GALNTL6: variants seen among roughly 807,000 people sequenced by gnomAD.
The protein encoded by GALNTL6 is polypeptide N-acetylgalactosaminyltransferase-like 6.
GALNTL6 carries 46 observed loss-of-function variants against 73.7 expected under a neutral mutation model. That is an observed-to-expected ratio of 0.62 (90% CI 0.49 to 0.80). The LOEUF is 0.80. Among genes scored for constraint, GALNTL6 ranks in the 30% least tolerant of loss-of-function variants. The probability of loss-of-function intolerance (pLI) is 0.00; values close to 1 mark genes in which losing one functional copy is unlikely to be tolerated. For missense variants in GALNTL6, 604 were observed against 755.0 expected, an observed-to-expected ratio of 0.80 and a Z score of 2.34; for synonymous variants, 259 against 263.7, an observed-to-expected ratio of 0.98 and a Z score of 0.17.
chr4:172,513,782 G>GT (rs1734508312), intron 5 of GALNTL6, among the ~76,000 whole-genome samples: 1 of 152,224 alleles, frequency 6.6e-6, no homozygotes, highest in South Asian at 2.1e-4. Flanking sequence ...TCTCTCAGCT[G>GT]TGGATACCAG....
At chr4:172,185,643 G>C (rs557975433) in intron 2 of GALNTL6, among the ~76,000 whole-genome samples, 1 of 152,192 alleles carries the variant, frequency 6.6e-6, no homozygotes, top group South Asian at 2.1e-4. Context: ...ATCAGTTTTT[G>C]TGCCTTTTTA....
intron 5 of GALNTL6, among the ~76,000 whole-genome samples, chr4:172,618,890 ATTG>A (rs1738845760): frequency 6.6e-6 from 1 of 151,894 alleles, no homozygotes; most frequent in Admixed American, 6.6e-5. Context: ...CACCTGGCTA[ATTG>A]TTGTATTTTT....
intron 12 of GALNTL6, among the ~76,000 whole-genome samples, chr4:173,032,676 C>A (rs905975754): frequency 6.6e-6 from 1 of 152,148 alleles, no homozygotes; most frequent in Non-Finnish European, 1.5e-5. Context: ...CAAAGTGAGA[C>A]CCTGTCTCAA....
intron 3 of GALNTL6, among the ~76,000 whole-genome samples, chr4:172,285,585 C>T (rs1739217202): frequency 6.6e-6 from 1 of 152,146 alleles, no homozygotes; most frequent in Admixed American, 6.5e-5. Flanking sequence ...AGCGCATTGG[C>T]TTAGAAGACT....
At chr4:172,942,143 G>A (rs886124133) in intron 9 of GALNTL6, among the ~76,000 whole-genome samples, 3 of 151,756 alleles carry the variant, frequency 2.0e-5, no homozygotes, top group African/African-American at 7.3e-5. Context: ...GATGCTTCTG[G>A]GTGTTCTAAT....
At chr4:172,708,949 TTA>T (rs1249246463) in intron 5 of GALNTL6, among the ~76,000 whole-genome samples, 2 of 152,214 alleles carry the variant, frequency 1.3e-5, no homozygotes. Context: ...TGAAGGCATT[TTA>T]TCTTTTTCTG....
chr4:172,882,044 G>C (rs1160479818), intron 7 of GALNTL6, among the ~76,000 whole-genome samples: 1 of 151,472 alleles, frequency 6.6e-6, no homozygotes, highest in Non-Finnish European at 1.5e-5. Flanking sequence ...AAATAAACAA[G>C]AGCACCTTTG....
chr4:172,968,165 T>C (rs2653837), intron 10 of GALNTL6, among the ~76,000 whole-genome samples: 151,127 of 152,306 alleles, frequency 0.99, 74,999 homozygotes, highest in Middle Eastern at 1. Context: ...CACCAAAACA[T>C]CAGACAGCAG....
At chr4:172,902,720 T>C (rs1182027958) in intron 8 of GALNTL6, among the ~76,000 whole-genome samples, 2 of 152,210 alleles carry the variant, frequency 1.3e-5, no homozygotes, top group East Asian at 3.8e-4. Context: ...TAACCACCTT[T>C]GTTGTGTTTT....
chr4:172,477,406 C>T (rs1035064122), intron 5 of GALNTL6, among the ~76,000 whole-genome samples: 13 of 152,002 alleles, frequency 8.6e-5, no homozygotes, highest in East Asian at 3.9e-4. Context: ...ATCTTTCTTG[C>T]GTTATAAGAA....
At chr4:172,897,944 G>T (rs1746415798) in intron 8 of GALNTL6, among the ~76,000 whole-genome samples, 1 of 152,292 alleles carries the variant, frequency 6.6e-6, no homozygotes, top group South Asian at 2.1e-4. Flanking sequence ...GCTTTCATTT[G>T]CAGGGAGGAA....
At chr4:172,293,715 A>T (rs1286592851) in intron 3 of GALNTL6, among the ~76,000 whole-genome samples, 2 of 151,746 alleles carry the variant, frequency 1.3e-5, no homozygotes, top group East Asian at 3.9e-4. Flanking sequence ...ATACATCTGT[A>T]TAAATTAAAA....
At position 172,917,066 on chromosome 4, in the gene GALNTL6, T is replaced by C. The variant is rs1157427669; in HGVS notation, c.1042-14095T>C. Among the ~76,000 whole-genome samples, 5 of 152,046 alleles carry C rather than the reference T, an allele frequency of 3.3e-5. No individual in the cohort carries two copies. The East Asian group carries it at 7.7e-4, about 23-fold the overall frequency. On this transcript the variant is annotated intron_variant, in intron 8 of 12. Coordinates refer to ENST00000506823, the MANE Select transcript of GALNTL6 (RefSeq NM_001034845.3). ...AAAACAGAGATATAGACCAATGGAA[T>C]GGAACAGAGCCCTCAGAAATAATAC...
chr4:171,867,634 AG>A (rs1736006068), intron 2 of GALNTL6, among the ~76,000 whole-genome samples: 1 of 152,228 alleles, frequency 6.6e-6, no homozygotes, highest in Admixed American at 6.5e-5. Flanking sequence ...TCCACACAGT[AG>A]CCAGTGATGT....
intron 2 of GALNTL6, among the ~76,000 whole-genome samples, chr4:172,194,047 C>T (rs6837124): frequency 2.0e-5 from 3 of 152,032 alleles, no homozygotes; most frequent in African/African-American, 7.3e-5. Flanking sequence ...CTTTGAGCTA[C>T]AGGAGTATGT....
chr4:171,852,946 A>C (rs1018442608), intron 2 of GALNTL6, among the ~76,000 whole-genome samples: 40 of 149,770 alleles, frequency 2.7e-4, no homozygotes, highest in Non-Finnish European at 5.2e-4. Flanking sequence ...TCCTGGGTTC[A>C]CGCCGTTCGC....
chr4:172,565,583 G>T (rs1736524448), intron 5 of GALNTL6, among the ~76,000 whole-genome samples: 3 of 152,092 alleles, frequency 2.0e-5, no homozygotes, highest in Admixed American at 2.0e-4. Context: ...TATTGTTTTT[G>T]TCTGGCTTCA....
At position 172,888,899 on chromosome 4, in the gene GALNTL6, A is replaced by AT. The variant is rs536053892; in HGVS notation, c.1041+6002dup. On this transcript the variant is annotated intron_variant, in intron 8 of 12. Coordinates refer to ENST00000506823, the MANE Select transcript of GALNTL6 (RefSeq NM_001034845.3). ...GTTCTTCCAATCCATGAGCATGGAA[A>AT]TTTTTTTTTTCATTTTTATGTCATC... Among the ~76,000 whole-genome samples, 29 of 150,636 alleles carry AT rather than the reference A, an allele frequency of 1.9e-4. No homozygotes were observed. In the South Asian group the frequency reaches 3.2e-3, roughly 16 times the overall value.
intron 7 of GALNTL6, among the ~76,000 whole-genome samples, chr4:172,818,844 G>A (rs997924966): frequency 6.6e-5 from 10 of 152,102 alleles, no homozygotes; most frequent in Non-Finnish European, 1.3e-4. Flanking sequence ...TGATCTGCCC[G>A]CCTTAGCCTC....
Sources: allele counts gnomAD v4.1 joint callset (sites outside exome capture counted in the v4.1 genomes callset), GRCh38; gene constraint gnomAD v4.1.1; transcripts MANE v1.5; gene names NCBI Gene and HGNC (gene_info 2026-07-23, HGNC 2026-07-21).